WIPF3: variants seen among roughly 807,000 people sequenced by gnomAD.
WIPF3 encodes the protein WAS/WASL interacting protein family member 3, also known as WAS/WASL-interacting protein family member 3.
In WIPF3, 33 loss-of-function variants were observed where a neutral mutation model predicts 38.9. The ratio of observed to expected loss-of-function variants is 0.85; its 90% CI spans 0.64 to 1.14. The LOEUF (loss-of-function observed/expected upper bound fraction) is 1.14, where lower values mean the gene tolerates loss of function less well. Ranked by LOEUF, WIPF3 falls within the 50% of genes most tolerant of loss-of-function variation. The pLI, the probability that WIPF3 is intolerant of heterozygous loss-of-function variation, is 0.00. For missense variants in WIPF3, 711 were observed against 652.5 expected (o/e 1.09, Z -0.98); for synonymous variants, 324 against 269.3 (o/e 1.20, Z -1.99).
At chr7:29,899,172 C>T (rs1786221149) in intron 7 of WIPF3, among the ~76,000 whole-genome samples, 2 of 152,170 alleles carry the variant, frequency 1.3e-5, no homozygotes, top group African/African-American at 4.8e-5. Context: ...GTCCCATCCT[C>T]ATGACTTCAT....
intron 2 of WIPF3, among the ~76,000 whole-genome samples, chr7:29,860,788 G>A (rs936076790): frequency 6.6e-6 from 1 of 152,160 alleles, no homozygotes; most frequent in Non-Finnish European, 1.5e-5. Flanking sequence ...TTGGAGGCAC[G>A]GTTGATAGGT....
intron 3 of WIPF3, 108 bp downstream of exon 3, chr7:29,876,070 A>G: frequency 1.4e-6 from 2 of 1,459,690 alleles, no homozygotes; most frequent in Non-Finnish European, 1.9e-6. Flanking sequence ...CAGGATGCAT[A>G]TGGAGCCATC....
intron 1 of WIPF3, among the ~76,000 whole-genome samples, chr7:29,813,011 G>A (rs958246312): frequency 1.3e-5 from 2 of 152,138 alleles, no homozygotes; most frequent in East Asian, 1.9e-4. Context: ...AACTCAAAAT[G>A]TTTCGAATTA....
intron 2 of WIPF3, among the ~76,000 whole-genome samples, chr7:29,847,552 C>T (rs558886886): frequency 6.6e-6 from 1 of 152,174 alleles, no homozygotes; most frequent in South Asian, 2.1e-4. Context: ...TATTGACAGC[C>T]GTGTGGAAAT....
intron 7 of WIPF3, among the ~76,000 whole-genome samples, chr7:29,896,266 G>A (rs1439771916): frequency 7.0e-6 from 1 of 142,582 alleles, no homozygotes; most frequent in Non-Finnish European, 1.6e-5. Context: ...CTATGATTGT[G>A]CCTGGGCAAC....
chr7:29,880,061 T>C (rs1212182664), intron 4 of WIPF3, among the ~76,000 whole-genome samples: 1 of 152,202 alleles, frequency 6.6e-6, no homozygotes, highest in Non-Finnish European at 1.5e-5. Flanking sequence ...CTGTAATCAG[T>C]CTACCTCAGT....
chr7:29,883,946 G>T lies in WIPF3; in HGVS notation c.452G>T (p.Arg151Met), dbSNP rs762104603. Residue 151 changes from arginine to methionine, a missense_variant, in exon 5 of 9, where the codon AGG becomes ATG. By Grantham distance (91) the Arg-to-Met change is moderately conservative (BLOSUM62 -1). Transcript: ENST00000242140. ...CCGCTTATCCCGCCTGCCTCTCCCA[G>T]GCTAGGCAATACCTCCGAGGCGCAT... The part of the protein sequence containing the change: ...SGPLIPPASP[R>M]LGNTSEAHGA... 1.3e-6 allele frequency: 2 copies of T among 1,576,778 alleles called. No homozygotes were observed. The highest frequency in any genetic ancestry group is 3.3e-4 in the Middle Eastern group (2 of 5,986).
At chr7:29,819,062 C>A (rs1310987989) in intron 1 of WIPF3, among the ~76,000 whole-genome samples, 1 of 151,994 alleles carries the variant, frequency 6.6e-6, no homozygotes, top group Non-Finnish European at 1.5e-5. Context: ...CAGTAGTTTT[C>A]TTTTTTTATT....
intron 1 of WIPF3, among the ~76,000 whole-genome samples, chr7:29,812,562 G>A (rs995479755): frequency 6.6e-6 from 1 of 152,182 alleles, no homozygotes; most frequent in Non-Finnish European, 1.5e-5. Context: ...TATTAGTGAG[G>A]TTTTACCTTT....
intron 2 of WIPF3, among the ~76,000 whole-genome samples, chr7:29,869,248 G>A (rs986002518): frequency 6.6e-6 from 1 of 152,010 alleles, no homozygotes; most frequent in African/African-American, 2.4e-5. Flanking sequence ...GGCTGGTCTC[G>A]AACTCCCAAC....
rs185567494 is a variant in WIPF3 at position 29,817,252 on chromosome 7, A to C, written c.-58+10574A>C. On this transcript the variant is annotated intron_variant, in intron 1 of 8. Coordinates refer to ENST00000242140, the MANE Select transcript of WIPF3 (RefSeq NM_001080529.3). ...AAGATAAAACAGCCATTTTACTATAATTTTTATTTTACTGTAATTTCCCCC... is the reference window on the plus strand; with the variant it reads ...AAGATAAAACAGCCATTTTACTATACTTTTTATTTTACTGTAATTTCCCCC... Among the ~76,000 whole-genome samples, 6 of 152,194 alleles carry C rather than the reference A, an allele frequency of 3.9e-5. 1 individual carries two copies. The highest frequency in any genetic ancestry group is 1.4e-4 in the African/African-American group (6 of 41,530).
At chr7:29,839,953 T>A (rs192237729) in intron 2 of WIPF3, among the ~76,000 whole-genome samples, 117 of 152,342 alleles carry the variant, frequency 7.7e-4, no homozygotes, top group Non-Finnish European at 1.5e-3. Context: ...ATGTTCTGAG[T>A]TCTGTCAATA....
chr7:29,808,283 G>T (rs1392937648), intron 1 of WIPF3, among the ~76,000 whole-genome samples: 1 of 152,220 alleles, frequency 6.6e-6, no homozygotes, highest in African/African-American at 2.4e-5. Flanking sequence ...AATCAGAAAA[G>T]AAGTGGCGAG....
At chr7:29,890,390 G>C (rs1785981299) in intron 7 of WIPF3, among the ~76,000 whole-genome samples, 1 of 151,776 alleles carries the variant, frequency 6.6e-6, no homozygotes, top group Non-Finnish European at 1.5e-5. Flanking sequence ...AGAGAATGAG[G>C]TGATGAGGTG....
intron 1 of WIPF3, among the ~76,000 whole-genome samples, chr7:29,833,461 G>A (rs994184882): frequency 2.6e-5 from 4 of 152,210 alleles, no homozygotes; most frequent in Non-Finnish European, 4.4e-5. Flanking sequence ...ATGCTAGGGC[G>A]TTGAAGCCCT....
At position 29,834,124 on chromosome 7, in the gene WIPF3, G is replaced by A. The variant is rs1583595749; in HGVS notation, c.-57-544G>A. 2.6e-5 allele frequency among the ~76,000 whole-genome samples: 4 copies of A among 152,246 alleles called. No homozygotes were observed. In the South Asian group the frequency reaches 8.3e-4, roughly 32 times the overall value. On this transcript the variant is annotated intron_variant, in intron 1 of 8. Coordinates refer to ENST00000242140, the MANE Select transcript of WIPF3 (RefSeq NM_001080529.3). Reference sequence around the variant, plus strand: ...AGAAATGATGACACAGGAATAGCAGGGAAAGTAAGAGCTGACAGGAGAGAA... The same window carrying A: ...AGAAATGATGACACAGGAATAGCAGAGAAAGTAAGAGCTGACAGGAGAGAA...
intron 1 of WIPF3, among the ~76,000 whole-genome samples, chr7:29,826,689 T>C (rs1245071288): frequency 6.6e-6 from 1 of 152,230 alleles, no homozygotes; most frequent in East Asian, 1.9e-4. Flanking sequence ...TGGTTTTCCA[T>C]TTATGATAAT....
intron 1 of WIPF3, among the ~76,000 whole-genome samples, chr7:29,834,030 A>C (rs1248709043): frequency 6.6e-6 from 1 of 152,204 alleles, no homozygotes; most frequent in Non-Finnish European, 1.5e-5. Context: ...AGCCCCCTGC[A>C]TAGCAAATAC....
Position 29,827,324 on chromosome 7 carries a change from G to C in WIPF3, c.-57-7344G>C, listed in dbSNP as rs187963681. 2.6e-5 allele frequency among the ~76,000 whole-genome samples: 4 copies of C among 152,308 alleles called. No individual in the cohort carries two copies. In the East Asian group the frequency reaches 7.7e-4, roughly 29 times the overall value. ...AAGTCCAAGGAGAGAGATGTGAACA[G>C]AGAATTTGCTCATTAAATGACAAGA... On this transcript the variant is annotated intron_variant, in intron 1 of 8. Coordinates refer to ENST00000242140, the MANE Select transcript of WIPF3 (RefSeq NM_001080529.3).
Sources: allele counts gnomAD v4.1 joint callset (sites outside exome capture counted in the v4.1 genomes callset), GRCh38; gene constraint gnomAD v4.1.1; transcripts MANE v1.5; gene names NCBI Gene and HGNC (gene_info 2026-07-23, HGNC 2026-07-21).